Variants in CLPB observed in about 807,000 individuals in gnomAD.
CLPB encodes ClpB family mitochondrial disaggregase.
CLPB carries 40 observed loss-of-function variants against 78.4 expected under a neutral mutation model. The ratio of observed to expected loss-of-function variants is 0.51; its 90% CI spans 0.40 to 0.66. The LOEUF (loss-of-function observed/expected upper bound fraction) is 0.66. Among genes scored for constraint, CLPB ranks in the 30% least tolerant of loss-of-function variants. The pLI is 0.00. For missense variants in CLPB, 780 were observed against 886.9 expected (o/e 0.88, Z 1.53); for synonymous variants, 333 against 348.0 (o/e 0.96, Z 0.48).
intron 4 of CLPB, among the ~76,000 whole-genome samples, chr11:72,364,694 C>T (rs1950908459): frequency 1.3e-5 from 2 of 152,004 alleles, no homozygotes; most frequent in African/African-American, 2.4e-5. Flanking sequence ...CACCTTTTTC[C>T]TTTCCTCCTC....
intron 4 of CLPB, among the ~76,000 whole-genome samples, chr11:72,379,596 G>A (rs1369513353): frequency 6.6e-6 from 1 of 152,038 alleles, no homozygotes; most frequent in African/African-American, 2.4e-5. Flanking sequence ...TCATCCCAGA[G>A]CCTCTTCATT....
chr11:72,317,105 C>T lies in CLPB; in HGVS notation c.988+1G>A. 1 of 1,607,304 alleles carries T rather than the reference C, an allele frequency of 6.2e-7. No individual in the cohort carries two copies. The highest frequency in any genetic ancestry group is 8.5e-7 in the Non-Finnish European group (1 of 1,176,930). ...CCCTTTCTGGTGTCCCACACACTCA[C>T]CAGCACCCACTGTGGCGATGGCGCT... On this transcript the variant is annotated splice_donor_variant, in intron 7 of 15. Coordinates refer to ENST00000538039, the MANE Select transcript of CLPB (RefSeq NM_001258392.3). LOFTEE classifies it high-confidence loss of function.
intron 6 of CLPB, 72 bp from the exon 7 acceptor site, chr11:72,317,292 C>A: frequency 8.5e-7 from 1 of 1,170,168 alleles, no homozygotes; most frequent in Middle Eastern, 2.2e-4. Flanking sequence ...TATCCCCCAA[C>A]TCGGGGAAAA....
chr11:72,433,890 C>T (rs952806270), intron 1 of CLPB, among the ~76,000 whole-genome samples, 182 bp downstream of exon 1: 1 of 152,160 alleles, frequency 6.6e-6, no homozygotes, highest in East Asian at 1.9e-4. Flanking sequence ...CGAGATTATA[C>T]AACTCCGAGG....
intron 4 of CLPB, chr11:72,359,302 A>G (rs919979646): frequency 3.9e-6 from 2 of 506,520 alleles, no homozygotes; most frequent in African/African-American, 1.9e-5. Context: ...CAATAACCAG[A>G]TGTTTATAGA....
At chr11:72,344,173 G>C (rs1950470426) in intron 5 of CLPB, among the ~76,000 whole-genome samples, 1 of 152,092 alleles carries the variant, frequency 6.6e-6, no homozygotes, top group Non-Finnish European at 1.5e-5. Flanking sequence ...CTATACTGCT[G>C]ACCAATCTTG....
At chr11:72,410,895 T>C (rs1855857990) in intron 2 of CLPB, 1 of 152,234 alleles carries the variant, frequency 6.6e-6, no homozygotes, top group African/African-American at 2.4e-5. Context: ...TCTGTATTGT[T>C]TGAAGTTGTG....
chr11:72,420,984 A>T (rs1267728936), intron 2 of CLPB, among the ~76,000 whole-genome samples: 1 of 152,148 alleles, frequency 6.6e-6, no homozygotes, highest in Non-Finnish European at 1.5e-5. Flanking sequence ...ACATGGAGAA[A>T]CCCCATATGT....
At chr11:72,377,494 AG>A (rs1854743982) in intron 4 of CLPB, among the ~76,000 whole-genome samples, 1 of 152,218 alleles carries the variant, frequency 6.6e-6, no homozygotes, top group Admixed American at 6.5e-5. Context: ...TTATTTCATA[AG>A]GGGACATGAT....
At position 72,308,618 on chromosome 11, in the gene CLPB, C is replaced by G; in HGVS notation, c.989-14G>C. The G allele has an allele frequency of 6.2e-7, 1 of 1,612,510 alleles. No homozygotes were observed. Among genetic ancestry groups the G allele is most frequent in the East Asian group, 2.2e-5 (1 of 44,870 alleles). On this transcript the variant is annotated splice_polypyrimidine_tract_variant and intron_variant, in intron 7 of 15. Transcript: ENST00000538039. Reference sequence around the variant, plus strand: ...TCCTCCGGATCGCTACGGCCAAACACACAAGATCAGGGGACAGGGAGGGAG... The same window carrying G: ...TCCTCCGGATCGCTACGGCCAAACAGACAAGATCAGGGGACAGGGAGGGAG...
At chr11:72,415,527 C>G (rs1308229809) in intron 2 of CLPB, among the ~76,000 whole-genome samples, 1 of 152,202 alleles carries the variant, frequency 6.6e-6, no homozygotes, top group African/African-American at 2.4e-5. Context: ...ACATTCCAAG[C>G]CTATCCTTTC....
chr11:72,302,250 T>G (rs371005580), intron 10 of CLPB, 54 bp downstream of exon 10: 1 of 1,565,326 alleles, frequency 6.4e-7, no homozygotes, highest in Non-Finnish European at 8.8e-7. Flanking sequence ...ACCCCGGCAG[T>G]CATGCTGACA....
Position 72,292,920 on chromosome 11 carries a change from T to G in CLPB, c.*447A>C. ...TCTTCCTCCACTCCCAGTGGAGCCA[T>G]TCTGGGGACTGAGTTGCATGAGGAC... On this transcript the variant is annotated 3_prime_UTR_variant, in exon 16 of 16. Transcript: ENST00000538039. The G allele has an allele frequency of 6.2e-6, 1 of 161,024 alleles. No individual in the cohort carries two copies. Among genetic ancestry groups the G allele is most frequent in the Non-Finnish European group, 1.4e-5 (1 of 72,616 alleles). 10.0% of individuals were successfully genotyped at this position (161,024 alleles called of 1,614,324 possible). A position where few individuals can be genotyped will look rare whatever the true frequency, so the allele number is the denominator to read the frequency against.
At chr11:72,349,345 T>A (rs1950571260) in intron 5 of CLPB, among the ~76,000 whole-genome samples, 1 of 152,208 alleles carries the variant, frequency 6.6e-6, no homozygotes. Flanking sequence ...GGCAAGCTCC[T>A]TTTTTCTGCT....
At chr11:72,302,826 T>C (rs1043421191) in intron 9 of CLPB, 4 of 158,200 alleles carry the variant, frequency 2.5e-5, no homozygotes, top group African/African-American at 9.6e-5. Context: ...AGAGAAACAC[T>C]CAGATGGCTC....
intron 6 of CLPB, among the ~76,000 whole-genome samples, chr11:72,318,842 G>A (rs923137150): frequency 6.6e-6 from 1 of 152,144 alleles, no homozygotes. Flanking sequence ...TCCCTCAGGC[G>A]CCACATACAT....
intron 2 of CLPB, chr11:72,408,046 A>G (rs1397929779): frequency 1.7e-6 from 2 of 1,159,224 alleles, no homozygotes; most frequent in African/African-American, 3.0e-5. Flanking sequence ...TCCCAGTGTC[A>G]TAGGAGTTTT....
rs192668566 is a variant in CLPB, at chr11:72,386,246, T to A, written c.543-5862A>T. Among the ~76,000 whole-genome samples the A allele has an allele frequency of 4.4e-4, 67 of 152,298 alleles. 1 individual carries two copies. Among genetic ancestry groups the A allele is most frequent in the African/African-American group, 1.2e-3 (50 of 41,572 alleles). On this transcript the variant is annotated intron_variant, in intron 3 of 15. Coordinates refer to ENST00000538039, the MANE Select transcript of CLPB (RefSeq NM_001258392.3). ...GATTACTAGTCAGGATGAATTTTTT[T>A]AAAATATGTTTAATAGTCAGTTGTG...
intron 5 of CLPB, 125 bp from the exon 6 acceptor site, chr11:72,329,929 G>A (rs1236276762): frequency 7.7e-6 from 5 of 650,498 alleles, no homozygotes; most frequent in African/African-American, 7.2e-5. Context: ...TACAAATGGT[G>A]GAAAAACATG....
Sources: gnomAD v4.1 joint callset for allele counts (sites outside exome capture counted in the v4.1 genomes callset) on GRCh38, gnomAD v4.1.1 for gene constraint, MANE v1.5 for transcripts, NCBI Gene and HGNC (gene_info 2026-07-23, HGNC 2026-07-21) for gene names.